The following CCN4 variants were observed in gnomAD, a reference collection of about 807,000 sequenced individuals.
CCN4 encodes the protein cellular communication network factor 4.
Under a neutral mutation model 36.7 loss-of-function variants are expected in CCN4, and 30 were observed. The ratio of observed to expected loss-of-function variants is 0.82; its 90% CI spans 0.61 to 1.11. CCN4 has a LOEUF of 1.11. CCN4 is among the 50% of genes least tolerant of loss of function. The pLI is 0.00. For missense variants in CCN4, 505 were observed against 504.9 expected (o/e 1.00, Z 0.00); for synonymous variants, 191 against 195.4 (o/e 0.98, Z 0.19).
intron 1 of CCN4, among the ~76,000 whole-genome samples, chr8:133,197,390 A>G (rs1266122137): frequency 6.6e-6 from 1 of 152,070 alleles, no homozygotes; most frequent in Non-Finnish European, 1.5e-5. Flanking sequence ...ATGGTGAAAA[A>G]CATGTTCTGG....
chr8:133,192,469 T>G (rs1270730315), intron 1 of CCN4, among the ~76,000 whole-genome samples: 1 of 152,160 alleles, frequency 6.6e-6, no homozygotes, highest in African/African-American at 2.4e-5. Flanking sequence ...ATTTCACAAA[T>G]GAAAGAAATG....
intron 1 of CCN4, among the ~76,000 whole-genome samples, chr8:133,210,510 G>A (rs1306983873): frequency 3.3e-5 from 5 of 151,830 alleles, no homozygotes; most frequent in Admixed American, 6.6e-5. Flanking sequence ...GTGCCTCCTC[G>A]GTGAACCACC....
chr8:133,196,168 C>A (rs1853375935), intron 1 of CCN4, among the ~76,000 whole-genome samples: 1 of 152,228 alleles, frequency 6.6e-6, no homozygotes, highest in African/African-American at 2.4e-5. Context: ...GCCCACTCTA[C>A]TCTGGGCACA....
At position 133,214,507 on chromosome 8, in the gene CCN4, G is replaced by GGTT. The variant is rs376862240; in HGVS notation, c.349+1386_349+1388dup. 3.1e-3 allele frequency among the ~76,000 whole-genome samples: 473 copies of GGTT among 151,552 alleles called. 2 individuals carry two copies. The highest frequency in any genetic ancestry group is 9.0e-3 in the African/African-American group (369 of 41,158). On this transcript the variant is annotated intron_variant, in intron 2 of 4. Coordinates refer to ENST00000250160, the MANE Select transcript of CCN4 (RefSeq NM_003882.4). Reference sequence around the variant, plus strand: ...TTCTGATATCCTCCTGTTTGGAGGTGGTTGTTGTTGTTGTTGTTGTTGTTA... The same window carrying GGTT: ...TTCTGATATCCTCCTGTTTGGAGGTGGTTGTTGTTGTTGTTGTTGTTGTTGTTA...
intron 2 of CCN4, among the ~76,000 whole-genome samples, chr8:133,215,653 G>A (rs2130594120): frequency 6.6e-6 from 1 of 151,892 alleles, no homozygotes; most frequent in South Asian, 2.1e-4. Flanking sequence ...TGCATCTTAG[G>A]TCCTGCCTTG....
intron 1 of CCN4, among the ~76,000 whole-genome samples, chr8:133,191,966 G>T (rs560557314): frequency 6.6e-6 from 1 of 152,264 alleles, no homozygotes; most frequent in Non-Finnish European, 1.5e-5. Context: ...AAAGCCAGGG[G>T]AGTCACATAT....
At position 133,201,056 on chromosome 8, in the gene CCN4, T is replaced by C. The variant is rs145381324; in HGVS notation, c.69+9843T>C. On this transcript the variant is annotated intron_variant, in intron 1 of 4. Coordinates refer to ENST00000250160, the MANE Select transcript of CCN4 (RefSeq NM_003882.4). ...CATGCCCTTTCCCCTCTTCATCTCATCCTCGTAGCCCTTACTTAGACTATG... is the reference window on the plus strand; with the variant it reads ...CATGCCCTTTCCCCTCTTCATCTCACCCTCGTAGCCCTTACTTAGACTATG... Among the ~76,000 whole-genome samples the C allele has an allele frequency of 3.1e-4, 47 of 152,298 alleles. No individual in the cohort carries two copies. In the East Asian group the frequency reaches 3.5e-3, roughly 11 times the overall value.
intron 2 of CCN4, among the ~76,000 whole-genome samples, 166 bp downstream of exon 2, chr8:133,213,309 G>C (rs1164699868): frequency 6.6e-6 from 1 of 152,096 alleles, no homozygotes; most frequent in African/African-American, 2.4e-5. Context: ...TCCTGGGAAG[G>C]GGAGGCAAGG....
In CCN4 at chr8:133,228,303, C is replaced by A. The variant is rs190313906; in HGVS notation, c.*593C>A. On this transcript the variant is annotated 3_prime_UTR_variant, in exon 5 of 5. Transcript: ENST00000250160. ...TTAATGGAAAGTTGTATCCATTAAC[C>A]TGGGCATTGTTGAGGTTAAGTTTCT... The A allele has an allele frequency of 1.3e-4, 20 of 153,008 alleles. No individual in the cohort carries two copies. Among genetic ancestry groups the A allele is most frequent in the Non-Finnish European group, 1.9e-4 (13 of 68,622 alleles). The allele number at this position is 153,008 out of a possible 1,614,324, so 9.5% of individuals were successfully genotyped here. A position where few individuals can be genotyped will look rare whatever the true frequency, so the allele number is the denominator to read the frequency against.
chr8:133,207,479 G>A (rs951728913), intron 1 of CCN4, among the ~76,000 whole-genome samples: 3 of 152,210 alleles, frequency 2.0e-5, no homozygotes, highest in Non-Finnish European at 1.5e-5. Flanking sequence ...ATTCACATGT[G>A]CACGGTGTTC....
chr8:133,217,319 G>A (rs1383795829), intron 2 of CCN4, among the ~76,000 whole-genome samples: 1 of 152,260 alleles, frequency 6.6e-6, no homozygotes, highest in Non-Finnish European at 1.5e-5. Flanking sequence ...CTGACAGCGT[G>A]AGCTGACAGT....
Position 133,227,810 on chromosome 8 carries a change from A to G in CCN4, c.*100A>G. The G allele has an allele frequency of 7.5e-7, 1 of 1,327,676 alleles. No individual in the cohort carries two copies. The highest frequency in any genetic ancestry group is 1.0e-6 in the Non-Finnish European group (1 of 974,630). The allele number at this position is 1,327,676 out of a possible 1,614,324, so 82.2% of individuals were successfully genotyped here. On this transcript the variant is annotated 3_prime_UTR_variant, in exon 5 of 5. Coordinates refer to ENST00000250160, the MANE Select transcript of CCN4 (RefSeq NM_003882.4). The stretch of plus-strand genomic sequence containing the variant: ...TCACCAATGAGCCTTAGTTACCCTG[A>G]TCTGGACCCTTGGCCTCCATTTCTG...
intron 1 of CCN4, among the ~76,000 whole-genome samples, chr8:133,197,969 C>T (rs1435579858): frequency 2.6e-5 from 4 of 152,152 alleles, no homozygotes; most frequent in Admixed American, 6.5e-5. Context: ...GCCCTCAGAG[C>T]AGAACAGCAG....
At chr8:133,219,994 C>T (rs1854458310) in intron 2 of CCN4, among the ~76,000 whole-genome samples, 1 of 151,810 alleles carries the variant, frequency 6.6e-6, no homozygotes, top group African/African-American at 2.4e-5. Flanking sequence ...GCAACTGTCT[C>T]CCCCCGCCCA....
intron 1 of CCN4, among the ~76,000 whole-genome samples, chr8:133,205,871 A>G (rs1316434695): frequency 1.3e-5 from 2 of 151,914 alleles, no homozygotes; most frequent in African/African-American, 4.8e-5. Context: ...TCTACTAATT[A>G]CCTCTCTCTC....
At chr8:133,196,719 C>A (rs1324899881) in intron 1 of CCN4, among the ~76,000 whole-genome samples, 1 of 152,100 alleles carries the variant, frequency 6.6e-6, no homozygotes, top group Non-Finnish European at 1.5e-5. Flanking sequence ...GTACTATTGG[C>A]TTGTTAAGGG....
At chr8:133,194,716 TGG>T (rs1853288237) in intron 1 of CCN4, among the ~76,000 whole-genome samples, 1 of 79,726 alleles carries the variant, frequency 1.3e-5, no homozygotes. Context: ...GTGGTGTGTG[TGG>T]GGATGTGTGT....
intron 1 of CCN4, among the ~76,000 whole-genome samples, chr8:133,204,680 G>T (rs1262551954): frequency 2.0e-5 from 3 of 152,170 alleles, no homozygotes; most frequent in African/African-American, 7.2e-5. Flanking sequence ...TCAGCCTCCT[G>T]AGCAGCTGGA....
At chr8:133,212,714 G>A in intron 1 of CCN4, 150 bp from the exon 2 acceptor site, 1 of 660,500 alleles carries the variant, frequency 1.5e-6, no homozygotes, top group Non-Finnish European at 2.6e-6. Flanking sequence ...GAGAATAAAG[G>A]AGATGTTTGG....
Sources: allele counts gnomAD v4.1 joint callset (sites outside exome capture counted in the v4.1 genomes callset), GRCh38; gene constraint gnomAD v4.1.1; transcripts MANE v1.5; gene names NCBI Gene and HGNC (gene_info 2026-07-23, HGNC 2026-07-21).